Variants in CFAP299 observed in about 807,000 individuals in gnomAD.
CFAP299 encodes the protein cilia and flagella associated protein 299.
In CFAP299, 21 loss-of-function variants were observed where a neutral mutation model predicts 27.0. The ratio of observed to expected loss-of-function variants is 0.78; its 90% CI spans 0.55 to 1.12. CFAP299 has a LOEUF of 1.12. Ranked by LOEUF, CFAP299 falls within the 50% of genes most tolerant of loss-of-function variation. The pLI is 0.00. For missense variants in CFAP299, 310 were observed against 276.6 expected (o/e 1.12, Z -0.86); for synonymous variants, 104 against 98.1 (o/e 1.06, Z -0.36).
intron 3 of CFAP299, among the ~76,000 whole-genome samples, chr4:80,787,038 G>A (rs947562892): frequency 2.0e-5 from 3 of 151,744 alleles, no homozygotes; most frequent in Non-Finnish European, 4.4e-5. Flanking sequence ...TGGGTTGAAT[G>A]ATTAGAAAAT....
intron 3 of CFAP299, among the ~76,000 whole-genome samples, chr4:80,830,850 A>G (rs1730262602): frequency 6.6e-6 from 1 of 152,178 alleles, no homozygotes; most frequent in Admixed American, 6.6e-5. Flanking sequence ...ACCTGTGAGA[A>G]GAGCAAGGAA....
At chr4:80,952,103 A>G (rs1362129071) in intron 5 of CFAP299, among the ~76,000 whole-genome samples, 4 of 152,198 alleles carry the variant, frequency 2.6e-5, no homozygotes, top group Non-Finnish European at 4.4e-5. Context: ...GAAACAATAC[A>G]CATGACAGAA....
At chr4:80,493,824 G>A (rs1200045686) in intron 2 of CFAP299, among the ~76,000 whole-genome samples, 4 of 126,528 alleles carry the variant, frequency 3.2e-5, no homozygotes, top group Non-Finnish European at 4.7e-5. Flanking sequence ...GCCAGACTGC[G>A]GACTGCAGTG....
chr4:80,661,120 G>A (rs917575600), intron 3 of CFAP299, among the ~76,000 whole-genome samples: 5 of 152,064 alleles, frequency 3.3e-5, no homozygotes, highest in African/African-American at 9.7e-5. Context: ...GAGGTCAGGA[G>A]TTTGAAACCA....
chr4:80,857,290 T>G (rs1457270081), intron 3 of CFAP299, among the ~76,000 whole-genome samples: 4 of 152,212 alleles, frequency 2.6e-5, no homozygotes, highest in African/African-American at 9.6e-5. Flanking sequence ...CTTATCAGCT[T>G]AAGGAGATTT....
At chr4:80,600,615 A>C (rs1737290407) in intron 3 of CFAP299, among the ~76,000 whole-genome samples, 1 of 152,168 alleles carries the variant, frequency 6.6e-6, no homozygotes, top group African/African-American at 2.4e-5. Flanking sequence ...ATCAGTTTGT[A>C]CTGTAGCTAT....
intron 3 of CFAP299, among the ~76,000 whole-genome samples, chr4:80,629,709 G>A (rs1739107650): frequency 6.6e-6 from 1 of 151,698 alleles, no homozygotes; most frequent in Non-Finnish European, 1.5e-5. Context: ...GTGAAACCTG[G>A]TGTCTACTAA....
chr4:80,453,360 A>G (rs1728986926), intron 2 of CFAP299, among the ~76,000 whole-genome samples: 1 of 152,266 alleles, frequency 6.6e-6, no homozygotes, highest in South Asian at 2.1e-4. Context: ...CGAATATTCA[A>G]ACTAAGACAT....
At chr4:80,926,378 GC>G (rs1479495742) in intron 4 of CFAP299, among the ~76,000 whole-genome samples, 6 of 151,966 alleles carry the variant, frequency 3.9e-5, no homozygotes, top group African/African-American at 1.4e-4. Context: ...AATTGTGATT[GC>G]AAGAGGATGA....
At chr4:80,635,131 TAA>T (rs923945928) in intron 3 of CFAP299, among the ~76,000 whole-genome samples, 2 of 152,118 alleles carry the variant, frequency 1.3e-5, no homozygotes, top group Admixed American at 6.5e-5. Context: ...ATGGTTTTAT[TAA>T]GTTATATAAT....
intron 3 of CFAP299, among the ~76,000 whole-genome samples, chr4:80,851,793 A>G (rs1731538210): frequency 6.6e-6 from 1 of 152,116 alleles, no homozygotes; most frequent in South Asian, 2.1e-4. Flanking sequence ...ATTATTTGGT[A>G]TTGGAATGAC....
chr4:80,791,966 A>G (rs1291345227), intron 3 of CFAP299, among the ~76,000 whole-genome samples: 1 of 151,880 alleles, frequency 6.6e-6, no homozygotes, highest in Non-Finnish European at 1.5e-5. Flanking sequence ...CAAAAATATA[A>G]ACAACTTCAG....
At chr4:80,545,184 G>A (rs892156986) in intron 2 of CFAP299, among the ~76,000 whole-genome samples, 17 of 152,022 alleles carry the variant, frequency 1.1e-4, no homozygotes, top group African/African-American at 3.9e-4. Context: ...AAGAATCTTT[G>A]GGACACAGCT....
At chr4:80,421,994 G>C (rs1273623110) in intron 2 of CFAP299, among the ~76,000 whole-genome samples, 1 of 152,098 alleles carries the variant, frequency 6.6e-6, no homozygotes, top group Non-Finnish European at 1.5e-5. Context: ...AATGTCAAGG[G>C]TAGTTTTGTT....
chr4:80,692,243 C>A (rs1418640443), intron 3 of CFAP299, among the ~76,000 whole-genome samples: 1 of 152,184 alleles, frequency 6.6e-6, no homozygotes. Context: ...CCAAGTCAAT[C>A]CTGAGCCAAA....
intron 3 of CFAP299, among the ~76,000 whole-genome samples, chr4:80,718,856 T>C (rs993338535): frequency 3.3e-5 from 5 of 152,036 alleles, no homozygotes; most frequent in Non-Finnish European, 5.9e-5. Flanking sequence ...ATTTAAACAG[T>C]AATTAGAGGA....
chr4:80,958,609 C>A lies in CFAP299; in HGVS notation c.607-4908C>A, dbSNP rs148986531. Among the ~76,000 whole-genome samples the A allele has an allele frequency of 3.6e-4, 55 of 152,234 alleles. 2 individuals carry two copies. The East Asian group carries it at 8.7e-3, about 24-fold the overall frequency. On this transcript the variant is annotated intron_variant, in intron 5 of 5. Transcript: ENST00000358105. ...GTTCTTATTTATCTGAAAAATGAAA[C>A]GTTAAGACAATATCAACAATATCCC... is the stretch of plus-strand genomic sequence containing the variant.
chr4:80,539,138 G>A (rs186515165), intron 2 of CFAP299, among the ~76,000 whole-genome samples: 140 of 152,230 alleles, frequency 9.2e-4, no homozygotes, highest in Non-Finnish European at 1.6e-3. Context: ...CATTTTTCAC[G>A]TTTGTAGCTA....
intron 3 of CFAP299, among the ~76,000 whole-genome samples, chr4:80,633,219 CG>C (rs1409580783): frequency 6.6e-6 from 1 of 152,082 alleles, no homozygotes; most frequent in Non-Finnish European, 1.5e-5. Flanking sequence ...GAGGCCGAGG[CG>C]GGCGGATCAC....
Sources: allele counts gnomAD v4.1 joint callset (sites outside exome capture counted in the v4.1 genomes callset), GRCh38; gene constraint gnomAD v4.1.1; transcripts MANE v1.5; gene names NCBI Gene and HGNC (gene_info 2026-07-23, HGNC 2026-07-21).